PTPRD: variants seen among roughly 807,000 people sequenced by gnomAD.
PTPRD encodes the protein receptor-type tyrosine-protein phosphatase delta.
In PTPRD, 34 loss-of-function variants were observed where a neutral mutation model predicts 214.5. That is an observed-to-expected ratio of 0.16 (90% confidence interval 0.12 to 0.21). PTPRD has a LOEUF of 0.21. Ranked by LOEUF, PTPRD falls within the 10% of genes least tolerant of loss-of-function variation. The pLI is 1.00. For synonymous variants in PTPRD, 1,128 were observed against 845.7 expected, an observed-to-expected ratio of 1.33 and a Z score of -5.79; for missense variants, 2,545 against 2,398.7, an observed-to-expected ratio of 1.06 and a Z score of -1.27.
chr9:8,522,447 T>C (rs554906118), intron 19 of PTPRD, among the ~76,000 whole-genome samples: 81 of 152,292 alleles, frequency 5.3e-4, no homozygotes, highest in Admixed American at 3.7e-3. Context: ...GAAAGGGAGC[T>C]GGGTGTTTCA....
chr9:10,292,343 T>C (rs576569685), intron 3 of PTPRD, among the ~76,000 whole-genome samples: 28 of 152,162 alleles, frequency 1.8e-4, no homozygotes, highest in East Asian at 1.4e-3. Flanking sequence ...AACCACCTTA[T>C]AGTGTTAGCC....
At chr9:8,451,759 T>C (rs1435219438) in intron 33 of PTPRD, 3 of 352,800 alleles carry the variant, frequency 8.5e-6, no homozygotes, top group African/African-American at 2.2e-5. Context: ...CAAGGATGCA[T>C]TTCTTTACTA....
chr9:9,373,884 T>C (rs1188831633), intron 9 of PTPRD, among the ~76,000 whole-genome samples: 2 of 152,144 alleles, frequency 1.3e-5, no homozygotes, highest in South Asian at 2.1e-4. Context: ...TATTTTCATG[T>C]ATTTGTTAAT....
chr9:8,933,489 G>A (rs1439480607), intron 11 of PTPRD, among the ~76,000 whole-genome samples: 1 of 151,560 alleles, frequency 6.6e-6, no homozygotes, highest in African/African-American at 2.4e-5. Flanking sequence ...TTTTATCTTG[G>A]ATACCAATAA....
chr9:9,924,645 A>G (rs1170073005), intron 5 of PTPRD, among the ~76,000 whole-genome samples: 2 of 152,092 alleles, frequency 1.3e-5, no homozygotes, highest in Non-Finnish European at 2.9e-5. Context: ...CCTGTGTTAC[A>G]TGTAACATGC....
intron 11 of PTPRD, among the ~76,000 whole-genome samples, chr9:8,815,898 C>A (rs1462107062): frequency 6.6e-6 from 1 of 152,178 alleles, no homozygotes; most frequent in Non-Finnish European, 1.5e-5. Context: ...AGTGAAATAA[C>A]CATTAGCCTG....
Position 8,515,942 on chromosome 9 carries a change from T to C in PTPRD, c.1543+1906A>G, listed in dbSNP as rs561130209. Reference sequence around the variant, plus strand: ...TAGAAAACTGAAGTTCAGAGAGAGATGACATAAATCACCTAAGGTGACAGC... The same window carrying C: ...TAGAAAACTGAAGTTCAGAGAGAGACGACATAAATCACCTAAGGTGACAGC... On this transcript the variant is annotated intron_variant, in intron 21 of 45. Coordinates refer to ENST00000381196, the MANE Select transcript of PTPRD (RefSeq NM_002839.4). Among the ~76,000 whole-genome samples the C allele has an allele frequency of 2.6e-5, 4 of 152,184 alleles. No homozygotes were observed. In the East Asian group the frequency reaches 7.7e-4, roughly 29 times the overall value.
intron 3 of PTPRD, among the ~76,000 whole-genome samples, chr9:10,164,302 A>C (rs545522855): frequency 6.6e-6 from 1 of 151,666 alleles, no homozygotes; most frequent in South Asian, 2.1e-4. Flanking sequence ...TCAAAATACA[A>C]ATGACAACAA....
intron 10 of PTPRD, among the ~76,000 whole-genome samples, chr9:9,138,343 C>T (rs999462432): frequency 3.9e-5 from 6 of 151,916 alleles, no homozygotes; most frequent in African/African-American, 1.5e-4. Flanking sequence ...AGCTTATGTA[C>T]CTGACACAAA....
chr9:8,903,744 C>A (rs2098688477), intron 11 of PTPRD, among the ~76,000 whole-genome samples: 1 of 150,226 alleles, frequency 6.7e-6, no homozygotes, highest in Admixed American at 6.6e-5. Flanking sequence ...TTCTGATTCT[C>A]TACCTTTAAA....
At chr9:10,585,257 T>C (rs1251421935) in intron 2 of PTPRD, among the ~76,000 whole-genome samples, 1 of 151,820 alleles carries the variant, frequency 6.6e-6, no homozygotes, top group Non-Finnish European at 1.5e-5. Flanking sequence ...AGTAATAACT[T>C]ATTTTTTGTG....
intron 7 of PTPRD, among the ~76,000 whole-genome samples, chr9:9,714,710 T>A (rs1400309757): frequency 1.3e-5 from 2 of 152,138 alleles, no homozygotes; most frequent in Non-Finnish European, 2.9e-5. Flanking sequence ...ATCATACTGA[T>A]AGCTGTGAGT....
At chr9:9,201,555 T>C (rs944244556) in intron 9 of PTPRD, among the ~76,000 whole-genome samples, 15 of 152,242 alleles carry the variant, frequency 9.9e-5, no homozygotes, top group African/African-American at 2.6e-4. Flanking sequence ...ATAGACTTGG[T>C]GATTAAAAAA....
At chr9:9,465,823 G>GA (rs2094105169) in intron 8 of PTPRD, among the ~76,000 whole-genome samples, 1 of 152,056 alleles carries the variant, frequency 6.6e-6, no homozygotes. Flanking sequence ...TGGAAATCAA[G>GA]ACAGAATGCT....
chr9:9,300,236 T>C (rs1954764264), intron 9 of PTPRD, among the ~76,000 whole-genome samples: 2 of 151,462 alleles, frequency 1.3e-5, no homozygotes, highest in Admixed American at 1.3e-4. Context: ...AAATTCAAGA[T>C]ACTTAAAATG....
At chr9:8,795,620 T>G (rs1184891235) in intron 11 of PTPRD, among the ~76,000 whole-genome samples, 2 of 135,184 alleles carry the variant, frequency 1.5e-5, no homozygotes, top group African/African-American at 4.9e-5. Context: ...CAGCAATCAA[T>G]ATATCATTTA....
At chr9:10,451,655 C>G (rs1405850963) in intron 2 of PTPRD, among the ~76,000 whole-genome samples, 1 of 151,428 alleles carries the variant, frequency 6.6e-6, no homozygotes, top group Non-Finnish European at 1.5e-5. Flanking sequence ...TGGCACAAAG[C>G]AGGTACTATA....
chr9:9,350,445 G>A (rs2138120118), intron 9 of PTPRD, among the ~76,000 whole-genome samples: 1 of 152,146 alleles, frequency 6.6e-6, no homozygotes, highest in Middle Eastern at 3.4e-3. Flanking sequence ...CTCTGTAAGA[G>A]TCTCTAAATC....
At chr9:8,817,304 C>G (rs939250155) in intron 11 of PTPRD, among the ~76,000 whole-genome samples, 2 of 152,146 alleles carry the variant, frequency 1.3e-5, no homozygotes, top group South Asian at 2.1e-4. Context: ...GACACCATAT[C>G]ATGTTGAATA....
Sources: gnomAD v4.1 joint callset for allele counts (sites outside exome capture counted in the v4.1 genomes callset) on GRCh38, gnomAD v4.1.1 for gene constraint, MANE v1.5 for transcripts, NCBI Gene and HGNC (gene_info 2026-07-23, HGNC 2026-07-21) for gene names.